JAZF1: variants seen among roughly 807,000 people sequenced by gnomAD.
The protein encoded by JAZF1 is juxtaposed with another zinc finger protein 1.
Under a neutral mutation model 26.4 loss-of-function variants are expected in JAZF1, and 8 were observed. The ratio of observed to expected loss-of-function variants is 0.30; its 90% CI spans 0.18 to 0.55. JAZF1 has a LOEUF of 0.55. Ranked by LOEUF, JAZF1 falls within the 20% of genes least tolerant of loss-of-function variation. JAZF1 has a pLI of 0.94. For missense variants in JAZF1, 199 were observed against 322.0 expected (o/e 0.62, Z 2.92); for synonymous variants, 126 against 122.3 (o/e 1.03, Z -0.20).
At chr7:27,872,796 A>C (rs964962311) in intron 3 of JAZF1, among the ~76,000 whole-genome samples, 1 of 152,146 alleles carries the variant, frequency 6.6e-6, no homozygotes. Context: ...CTGCTTGTAA[A>C]AAAGGTAGTT....
At position 27,883,792 on chromosome 7, in the gene JAZF1, T is replaced by C. The variant is rs1470556169; in HGVS notation, c.385+11428A>G. Reference sequence around the variant, plus strand: ...TCAACTGTGTCACTGGACTGAGAGTTTGGCAACAGCCCTTCTTTATCTTTT... The same window carrying C: ...TCAACTGTGTCACTGGACTGAGAGTCTGGCAACAGCCCTTCTTTATCTTTT... On this transcript the variant is annotated intron_variant, in intron 3 of 4. Coordinates refer to ENST00000283928, the MANE Select transcript of JAZF1 (RefSeq NM_175061.4). 2.0e-5 allele frequency among the ~76,000 whole-genome samples: 3 copies of C among 152,260 alleles called. 1 individual carries two copies. In the South Asian group the frequency reaches 6.2e-4, roughly 32 times the overall value.
intron 1 of JAZF1, among the ~76,000 whole-genome samples, chr7:28,138,402 GA>G (rs1486202964): frequency 2.6e-5 from 4 of 152,174 alleles, no homozygotes; most frequent in Non-Finnish European, 5.9e-5. Context: ...TATTAAGTTA[GA>G]TTAAATTATG....
chr7:28,158,336 GTGGGGCTTTCCAGTAAGCCC>G lies in JAZF1; in HGVS notation c.115+22107_115+22126del, dbSNP rs1783225616. 2.6e-5 allele frequency among the ~76,000 whole-genome samples: 4 copies of G among 152,322 alleles called. No homozygotes were observed. The South Asian group carries it at 8.3e-4, about 32-fold the overall frequency. On this transcript the variant is annotated intron_variant, in intron 1 of 4. Coordinates refer to ENST00000283928, the MANE Select transcript of JAZF1 (RefSeq NM_175061.4). ...AACGTAATGGAGGCAGTAGTTATTG[GTGGGGCTTTCCAGTAAGCCC>G]TTTTGGCCTTCCTGCCCTTCCTTCT...
At chr7:28,053,631 G>A (rs190855051) in intron 1 of JAZF1, among the ~76,000 whole-genome samples, 3 of 152,254 alleles carry the variant, frequency 2.0e-5, no homozygotes, top group East Asian at 3.9e-4. Context: ...TCCTATTAAT[G>A]GCAAAAAGTA....
At chr7:27,921,238 C>T (rs1262976558) in intron 2 of JAZF1, among the ~76,000 whole-genome samples, 2 of 152,128 alleles carry the variant, frequency 1.3e-5, no homozygotes, top group Non-Finnish European at 2.9e-5. Context: ...AAGGGCTTTG[C>T]CCACAATTCC....
intron 1 of JAZF1, among the ~76,000 whole-genome samples, chr7:28,010,188 CCTTTGGT>C (rs2128369986): frequency 6.6e-6 from 1 of 152,290 alleles, no homozygotes; most frequent in East Asian, 1.9e-4. Flanking sequence ...GTCTCTCTTG[CCTTTGGT>C]TAGGTTCAGA....
intron 3 of JAZF1, among the ~76,000 whole-genome samples, chr7:27,852,632 T>C (rs1366682780): frequency 2.0e-5 from 3 of 152,154 alleles, no homozygotes; most frequent in East Asian, 1.9e-4. Flanking sequence ...CCCTACTTTT[T>C]CTAGAACTGT....
At chr7:28,109,322 G>A (rs1421584393) in intron 1 of JAZF1, among the ~76,000 whole-genome samples, 1 of 151,942 alleles carries the variant, frequency 6.6e-6, no homozygotes, top group Non-Finnish European at 1.5e-5. Context: ...CATTGTATAT[G>A]GTAAATATAT....
At chr7:28,001,216 T>C (rs1280008384) in intron 1 of JAZF1, among the ~76,000 whole-genome samples, 1 of 151,784 alleles carries the variant, frequency 6.6e-6, no homozygotes, top group African/African-American at 2.4e-5. Flanking sequence ...TAGCCAGGCA[T>C]GGTGGCGTGC....
At chr7:28,029,458 G>A (rs1318944071) in intron 1 of JAZF1, among the ~76,000 whole-genome samples, 1 of 152,140 alleles carries the variant, frequency 6.6e-6, no homozygotes, top group Middle Eastern at 3.2e-3. Context: ...CCACAATCAA[G>A]CACAGGCAAC....
chr7:27,928,216 A>AT (rs1312472314), intron 2 of JAZF1, among the ~76,000 whole-genome samples: 1 of 152,172 alleles, frequency 6.6e-6, no homozygotes, highest in Non-Finnish European at 1.5e-5. Context: ...TTTGGCCAGC[A>AT]TTTTCTGGTA....
intron 4 of JAZF1, among the ~76,000 whole-genome samples, chr7:27,835,722 C>T (rs963448250): frequency 7.9e-5 from 12 of 152,072 alleles, no homozygotes; most frequent in Admixed American, 2.0e-4. Context: ...AGTTACAGGC[C>T]GCGGGAACGT....
At chr7:28,150,816 T>C (rs1459874997) in intron 1 of JAZF1, among the ~76,000 whole-genome samples, 1 of 152,226 alleles carries the variant, frequency 6.6e-6, no homozygotes, top group Non-Finnish European at 1.5e-5. Context: ...AGACTGGCTC[T>C]TGAGGTCCAA....
chr7:28,038,646 A>T (rs1052813296), intron 1 of JAZF1, among the ~76,000 whole-genome samples: 4 of 152,214 alleles, frequency 2.6e-5, no homozygotes, highest in African/African-American at 9.6e-5. Context: ...AATTCCAAAA[A>T]AAGAAGCATG....
intron 3 of JAZF1, among the ~76,000 whole-genome samples, chr7:27,880,193 G>A (rs1478300042): frequency 6.6e-6 from 1 of 152,162 alleles, no homozygotes; most frequent in East Asian, 1.9e-4. Context: ...CAAAGGACAA[G>A]CTTTCTAGTC....
chr7:28,166,062 T>C (rs529092532), intron 1 of JAZF1, among the ~76,000 whole-genome samples: 12 of 151,776 alleles, frequency 7.9e-5, no homozygotes, highest in Non-Finnish European at 1.5e-4. Flanking sequence ...TTTCAAGAAA[T>C]AGAACCCATG....
intron 1 of JAZF1, among the ~76,000 whole-genome samples, chr7:28,149,922 C>T (rs1783084331): frequency 6.6e-6 from 1 of 152,194 alleles, no homozygotes; most frequent in Non-Finnish European, 1.5e-5. Context: ...TGGCAGGAGC[C>T]TCAGCAGTGA....
chr7:28,114,741 G>T (rs1784715578), intron 1 of JAZF1, among the ~76,000 whole-genome samples: 1 of 151,546 alleles, frequency 6.6e-6, no homozygotes, highest in Admixed American at 6.6e-5. Context: ...GACAACCGTG[G>T]TACTGAGGAT....
chr7:28,047,687 T>C (rs1439190777), intron 1 of JAZF1, among the ~76,000 whole-genome samples: 1 of 152,162 alleles, frequency 6.6e-6, no homozygotes, highest in African/African-American at 2.4e-5. Flanking sequence ...TCCTAATCCA[T>C]TGCTTCTGAT....
Sources: allele counts gnomAD v4.1 joint callset (sites outside exome capture counted in the v4.1 genomes callset), GRCh38; gene constraint gnomAD v4.1.1; transcripts MANE v1.5; gene names NCBI Gene and HGNC (gene_info 2026-07-23, HGNC 2026-07-21).